Variants in PRIM2 observed in about 807,000 individuals in gnomAD.
PRIM2 encodes the protein DNA primase large subunit.
A neutral mutation model predicts 67.3 loss-of-function variants in PRIM2; 39 were observed. The observed-to-expected ratio is 0.58, with a 90% CI of 0.45 to 0.76. The LOEUF is 0.76. Among genes scored for constraint, PRIM2 ranks in the 30% least tolerant of loss-of-function variants. PRIM2 has a pLI of 0.00. For missense variants in PRIM2, 398 were observed against 598.7 expected, an observed-to-expected ratio of 0.66 and a Z score of 3.50; for synonymous variants, 143 against 198.7, an observed-to-expected ratio of 0.72 and a Z score of 2.36.
chr6:57,565,443 G>A (rs1185505608), intron 10 of PRIM2, among the ~76,000 whole-genome samples: 1 of 148,544 alleles, frequency 6.7e-6, no homozygotes, highest in Non-Finnish European at 1.5e-5. Context: ...ACTCGGGAAA[G>A]CCAGTGGTGT....
upstream of PRIM2, among the ~76,000 whole-genome samples, chr6:57,311,761 C>T (rs1447038362): frequency 6.6e-6 from 1 of 152,080 alleles, no homozygotes; most frequent in Non-Finnish European, 1.5e-5. Context: ...GTGAGCGAGA[C>T]TCCGTCTGCA....
At chr6:57,232,927 TA>T in the PRIM2 span, among the ~76,000 whole-genome samples, 2 of 152,212 alleles carry the variant, frequency 1.3e-5, no homozygotes, top group Non-Finnish European at 2.9e-5. Context: ...TCCTTCCACA[TA>T]TTAGAGGTAT....
At chr6:57,638,779 CAA>C (rs1454448046) in intron 13 of PRIM2, among the ~76,000 whole-genome samples, 1 of 152,006 alleles carries the variant, frequency 6.6e-6, no homozygotes, top group Non-Finnish European at 1.5e-5. Context: ...TAGAGATGTA[CAA>C]AGAGACGTAG....
chr6:57,608,634 GCCCAAGAAGTTGA>G (rs1776604202), intron 12 of PRIM2, among the ~76,000 whole-genome samples: 1 of 151,044 alleles, frequency 6.6e-6, no homozygotes, highest in South Asian at 2.1e-4. Context: ...AGAGGTGGAA[GCCCAAGAAGTTGA>G]GGCTCCAGGA....
At position 57,464,571 on chromosome 6, in the gene PRIM2, G is replaced by A. The variant is rs1308591802; in HGVS notation, c.694-42816G>A. On this transcript the variant is annotated intron_variant, in intron 7 of 13. Coordinates refer to ENST00000615550, the MANE Select transcript of PRIM2 (RefSeq NM_000947.5). Reference sequence around the variant, plus strand: ...ATTACAGGCATGAGCCACCACGCCCGGCCTCCCTTTTGTATTTCTGGTGCC... The same window carrying A: ...ATTACAGGCATGAGCCACCACGCCCAGCCTCCCTTTTGTATTTCTGGTGCC... 2.0e-5 allele frequency among the ~76,000 whole-genome samples: 3 copies of A among 152,072 alleles called. No individual in the cohort carries two copies. The East Asian group carries it at 5.8e-4, about 29-fold the overall frequency.
chr6:57,233,474 A>C, the PRIM2 span, among the ~76,000 whole-genome samples: 1 of 152,220 alleles, frequency 6.6e-6, no homozygotes, highest in Non-Finnish European at 1.5e-5. Context: ...GTAAAACTTC[A>C]ACCTCTACAC....
At chr6:57,419,676 G>A (rs1771398738) in intron 7 of PRIM2, among the ~76,000 whole-genome samples, 1 of 152,076 alleles carries the variant, frequency 6.6e-6, no homozygotes, top group South Asian at 2.1e-4. Flanking sequence ...TTTATTATAG[G>A]ATTGGAGATG....
chr6:57,535,079 G>A (rs1774976803), intron 9 of PRIM2, among the ~76,000 whole-genome samples: 1 of 152,008 alleles, frequency 6.6e-6, no homozygotes, highest in Non-Finnish European at 1.5e-5. Flanking sequence ...GTTCCCCAGG[G>A]CTGTACACAT....
rs1222831885 is a variant in PRIM2 at position 57,512,951 on chromosome 6, C to T, written c.761+5497C>T. ...AATGAAAAATACTGCCTTTCCCTCT[C>T]CTCAAAAGAGATGAATTAATTATTT... is the stretch of plus-strand genomic sequence containing the variant. On this transcript the variant is annotated intron_variant, in intron 8 of 13. Coordinates refer to ENST00000615550, the MANE Select transcript of PRIM2 (RefSeq NM_000947.5). Among the ~76,000 whole-genome samples the T allele has an allele frequency of 1.3e-3, 191 of 152,100 alleles. 5 individuals are homozygous for T. The East Asian group carries it at 0.016, about 13-fold the overall frequency.
intron 5 of PRIM2, among the ~76,000 whole-genome samples, chr6:57,331,992 G>T (rs1345888075): frequency 2.0e-5 from 3 of 151,430 alleles, no homozygotes; most frequent in Non-Finnish European, 4.4e-5. Flanking sequence ...GGAGTTTAGG[G>T]TATTTATCTG....
intron 10 of PRIM2, among the ~76,000 whole-genome samples, chr6:57,580,207 G>A (rs1296549390): frequency 1.3e-5 from 2 of 152,042 alleles, no homozygotes; most frequent in East Asian, 3.9e-4. Context: ...AGGAATTTGA[G>A]ACCTGCCCCG....
chr6:57,387,662 C>A (rs573247940), intron 7 of PRIM2, among the ~76,000 whole-genome samples: 2 of 151,956 alleles, frequency 1.3e-5, no homozygotes, highest in South Asian at 2.1e-4. Flanking sequence ...TTTGGAGCTA[C>A]GGTAGAATAG....
At chr6:57,442,603 A>AT (rs1442619229) in intron 7 of PRIM2, among the ~76,000 whole-genome samples, 1 of 152,106 alleles carries the variant, frequency 6.6e-6, no homozygotes, top group Middle Eastern at 3.4e-3. Context: ...TCATGGTGGT[A>AT]TTTTTTTGGT....
chr6:57,506,268 TCTC>T (rs1486263982), intron 7 of PRIM2, among the ~76,000 whole-genome samples: 1 of 152,028 alleles, frequency 6.6e-6, no homozygotes, highest in Non-Finnish European at 1.5e-5. Flanking sequence ...TGGGAAAGCT[TCTC>T]CATTATTATC....
intron 7 of PRIM2, among the ~76,000 whole-genome samples, chr6:57,409,069 C>T (rs1339212709): frequency 2.6e-5 from 4 of 151,124 alleles, no homozygotes; most frequent in Non-Finnish European, 5.9e-5. Flanking sequence ...ATGAATATAC[C>T]ACAATTTGTT....
intron 7 of PRIM2, among the ~76,000 whole-genome samples, chr6:57,437,902 C>G (rs1038795544): frequency 2.5e-4 from 38 of 152,042 alleles, no homozygotes; most frequent in Non-Finnish European, 2.2e-4. Context: ...AGTGATCTGC[C>G]TGCCTTAGCT....
chr6:57,574,456 A>T (rs1296679847), intron 10 of PRIM2, among the ~76,000 whole-genome samples: 1 of 152,240 alleles, frequency 6.6e-6, no homozygotes, highest in Non-Finnish European at 1.5e-5. Context: ...AAGGACCTGG[A>T]CAACTCACGA....
At chr6:57,419,176 A>G (rs1173898272) in intron 7 of PRIM2, among the ~76,000 whole-genome samples, 2 of 152,066 alleles carry the variant, frequency 1.3e-5, no homozygotes, top group African/African-American at 4.8e-5. Flanking sequence ...TGGAATGGTG[A>G]CAGTGAGGAT....
intron 7 of PRIM2, 152 bp downstream of exon 7, chr6:57,382,320 A>G (rs1769992402): frequency 2.3e-6 from 2 of 869,866 alleles, no homozygotes; most frequent in Non-Finnish European, 3.2e-6. Context: ...GTTAATCCCA[A>G]AATTCCTAGG....
Sources: gnomAD v4.1 joint callset for allele counts (sites outside exome capture counted in the v4.1 genomes callset) on GRCh38, gnomAD v4.1.1 for gene constraint, MANE v1.5 for transcripts, NCBI Gene and HGNC (gene_info 2026-07-23, HGNC 2026-07-21) for gene names.